The following GAD1 variants were observed in gnomAD, a reference collection of about 807,000 sequenced individuals.
The protein encoded by GAD1 is glutamate decarboxylase 1.
Under a neutral mutation model 75.2 loss-of-function variants are expected in GAD1, and 35 were observed. That is an observed-to-expected ratio of 0.47 (90% confidence interval 0.36 to 0.62). The LOEUF is 0.62. Among genes scored for constraint, GAD1 ranks in the 20% least tolerant of loss-of-function variants. GAD1 has a pLI of 0.00. For missense variants in GAD1, 490 were observed against 758.5 expected, an observed-to-expected ratio of 0.65 and a Z score of 4.16; for synonymous variants, 257 against 271.9, an observed-to-expected ratio of 0.95 and a Z score of 0.54.
Position 170,824,929 on chromosome 2 carries a change from C to CGTGTGTGTGTGT in GAD1, c.145+2791_145+2802dup, listed in dbSNP as rs56938472. ...TGAGCTGTTTTATTTAGCCTACACT[C>CGTGTGTGTGTGT]GTGTGTGTGTGTGTGTGTGTGTATG... is the stretch of plus-strand genomic sequence containing the variant. On this transcript the variant is annotated intron_variant, in intron 3 of 16. Coordinates refer to ENST00000358196, the MANE Select transcript of GAD1 (RefSeq NM_000817.3). 5.7e-3 allele frequency among the ~76,000 whole-genome samples: 857 copies of CGTGTGTGTGTGT among 150,004 alleles called. 9 individuals are homozygous for CGTGTGTGTGTGT. Among genetic ancestry groups the CGTGTGTGTGTGT allele is most frequent in the Non-Finnish European group, 8.4e-3 (567 of 67,560 alleles).
chr2:170,833,460 A>G (rs3791856), intron 5 of GAD1, among the ~76,000 whole-genome samples: 34,583 of 152,186 alleles, frequency 0.23, 4,114 homozygotes, highest in South Asian at 0.34. Context: ...ATATATTCCT[A>G]ATGGAAAACA....
At chr2:170,827,455 C>A (rs77487367) in intron 3 of GAD1, among the ~76,000 whole-genome samples, 6 of 152,242 alleles carry the variant, frequency 3.9e-5, no homozygotes, top group African/African-American at 1.2e-4. Flanking sequence ...AAAGAGCAGA[C>A]GTGCGGGCCA....
chr2:170,839,790 T>C (rs917949111), intron 6 of GAD1, among the ~76,000 whole-genome samples: 3 of 152,042 alleles, frequency 2.0e-5, no homozygotes, highest in African/African-American at 7.2e-5. Context: ...CCAAGCACAA[T>C]TGCGCAGGTA....
At chr2:170,845,315 G>T in intron 7 of GAD1, 191 bp from the exon 8 acceptor site, 1 of 655,552 alleles carries the variant, frequency 1.5e-6, no homozygotes, top group Admixed American at 2.2e-5. Context: ...TAATAAGTGT[G>T]ACTACTTGTA....
intron 3 of GAD1, among the ~76,000 whole-genome samples, chr2:170,824,407 ACACACACACACAC>A (rs1701975731): frequency 1.1e-5 from 1 of 91,496 alleles, no homozygotes; most frequent in African/African-American, 3.3e-5. Context: ...ACACACACAC[ACACACACACACAC>A]CCCTCCCTTC....
chr2:170,825,733 C>G (rs925714865), intron 3 of GAD1, among the ~76,000 whole-genome samples: 1 of 152,216 alleles, frequency 6.6e-6, no homozygotes, highest in Non-Finnish European at 1.5e-5. Flanking sequence ...TCTCCCCTTG[C>G]GGCTGGCCAG....
rs1702920979 is a variant in GAD1 at position 170,859,735 on chromosome 2, G to C, written c.1638G>C (p.Met546Ile). Reference protein sequence around the residue: ...HKVAPKIKALMMESGTTMVGY... With the variant: ...HKVAPKIKALIMESGTTMVGY... ...TGGCTCCAAAAATCAAAGCCCTGAT[G>C]ATGGAGTCAGGTACGACCATGGTTG... Residue 546 changes from methionine (M) to isoleucine (I), a missense_variant, in exon 17 of 17, where the codon ATG (methionine) becomes ATC (isoleucine). This residue lies in a region of GAD1 where 324 missense variants were observed against 523.9 expected (regional missense o/e 0.62). Coordinates refer to ENST00000358196, the MANE Select transcript of GAD1 (RefSeq NM_000817.3). 1.2e-6 allele frequency: 2 copies of C among 1,614,192 alleles called. No individual in the cohort carries two copies. Among genetic ancestry groups the C allele is most frequent in the Admixed American group, 1.7e-5 (1 of 60,018 alleles).
chr2:170,829,077 T>C (rs1702149614), intron 3 of GAD1: 1 of 326,566 alleles, frequency 3.1e-6, no homozygotes, highest in Non-Finnish European at 5.9e-6. Context: ...TTCTCTCCCC[T>C]CCTCCTTCTG....
In GAD1 at chr2:170,847,677, G is replaced by T. The variant is rs1222483064; in HGVS notation, c.1004G>T (p.Gly335Val). Residue 335 changes from glycine (G) to valine (V), a missense_variant and splice_region_variant, in exon 11 of 17, where the codon GGA (glycine) becomes GTA (valine). Around this residue, in one of 3 missense-constraint regions of GAD1, gnomAD observed 324 missense variants for 523.9 expected, o/e 0.62. Coordinates refer to ENST00000358196, the MANE Select transcript of GAD1 (RefSeq NM_000817.3). ...GCCTATATCTGTCTTACCTTGTAGG[G>T]ATATGTTCCCTTTTATGTCAATGCA... The part of the protein sequence containing the change: ...EAKILEAKQK[G>V]YVPFYVNATA... The T allele has an allele frequency of 6.2e-7, 1 of 1,602,640 alleles. No homozygotes were observed. The highest frequency in any genetic ancestry group is 1.3e-5 in the African/African-American group (1 of 74,852).
At chr2:170,855,743 C>T (rs1193791786) in intron 14 of GAD1, among the ~76,000 whole-genome samples, 1 of 151,534 alleles carries the variant, frequency 6.6e-6, no homozygotes, top group Non-Finnish European at 1.5e-5. Flanking sequence ...TGTGATGACG[C>T]ATGCCTGTGG....
chr2:170,843,619 C>CTTTT (rs56763249), intron 6 of GAD1, among the ~76,000 whole-genome samples: 2 of 134,144 alleles, frequency 1.5e-5, no homozygotes, highest in African/African-American at 5.5e-5. Context: ...TGGCAGTCAG[C>CTTTT]TTTTTTTTTT....
chr2:170,842,636 G>A, intron 6 of GAD1: 3 of 1,614,092 alleles, frequency 1.9e-6, no homozygotes, highest in Non-Finnish European at 2.5e-6. Context: ...AAGCATGATT[G>A]TGACCTCCAG....
intron 3 of GAD1, among the ~76,000 whole-genome samples, 200 bp downstream of exon 3, chr2:170,822,349 G>C (rs905008885): frequency 2.0e-5 from 3 of 152,154 alleles, no homozygotes; most frequent in African/African-American, 7.2e-5. Flanking sequence ...TGGTCCCCAG[G>C]GGTCTTTTCC....
intron 4 of GAD1, among the ~76,000 whole-genome samples, chr2:170,830,127 T>C (rs1702184324): frequency 1.3e-5 from 2 of 152,144 alleles, no homozygotes; most frequent in African/African-American, 4.8e-5. Flanking sequence ...TACCAGTCTC[T>C]CCCAAACAGC....
At chr2:170,848,672 C>G (rs1221029812) in intron 11 of GAD1, 1 of 515,398 alleles carries the variant, frequency 1.9e-6, no homozygotes, top group African/African-American at 1.9e-5. Context: ...TCTCTCTGCC[C>G]ATTTTCTTAG....
chr2:170,814,045 G>C (rs1166490692), upstream of GAD1, among the ~76,000 whole-genome samples: 8 of 152,240 alleles, frequency 5.3e-5, no homozygotes, highest in South Asian at 4.2e-4. Context: ...CCCCGGAGAG[G>C]ATATCTTTTT....
At position 170,829,537 on chromosome 2, in the gene GAD1, A is replaced by T. The variant is rs761555669; in HGVS notation, c.208A>T (p.Arg70Trp). The T allele has an allele frequency of 6.2e-7, 1 of 1,613,096 alleles. No homozygotes were observed. Among genetic ancestry groups the T allele is most frequent in the Non-Finnish European group, 8.5e-7 (1 of 1,179,542 alleles). The change falls in exon 4 of 17, where the codon AGG becomes TGG. Residue 70 changes from arginine (R) to tryptophan (W), a missense_variant. This residue lies in a region of GAD1 where 165 missense variants were observed against 216.4 expected (regional missense o/e 0.76). Coordinates refer to ENST00000358196, the MANE Select transcript of GAD1 (RefSeq NM_000817.3). The stretch of plus-strand genomic sequence containing the variant: ...TCGCCTTGTGAGTGCCTTCAAGGAG[A>T]GGCAATCCTCCAAGAACCTGCTTTC... ...KSRLVSAFKERQSSKNLLSCE... is the reference protein window; with the variant it reads ...KSRLVSAFKEWQSSKNLLSCE...
chr2:170,850,154 A>G (rs1314017257), intron 12 of GAD1, among the ~76,000 whole-genome samples: 9 of 152,268 alleles, frequency 5.9e-5, no homozygotes, highest in Non-Finnish European at 4.4e-5. Context: ...TGCATATCTG[A>G]TAAATGCAGA....
chr2:170,842,151 C>T (rs1702531197), intron 6 of GAD1, among the ~76,000 whole-genome samples: 2 of 152,106 alleles, frequency 1.3e-5, no homozygotes, highest in Admixed American at 1.3e-4. Flanking sequence ...TCATGCAAAC[C>T]TTGGGCCTAA....
Sources: allele counts gnomAD v4.1 joint callset (sites outside exome capture counted in the v4.1 genomes callset), GRCh38; gene constraint gnomAD v4.1.1; regional missense constraint gnomAD v4.1.1; transcripts MANE v1.5; gene names NCBI Gene and HGNC (gene_info 2026-07-23, HGNC 2026-07-21).